The following SIGLEC10 variants were observed in gnomAD, a reference collection of about 807,000 sequenced individuals.
SIGLEC10 encodes sialic acid binding Ig like lectin 10, also known as sialic acid-binding Ig-like lectin 10.
Under a neutral mutation model 68.3 loss-of-function variants are expected in SIGLEC10, and 45 were observed. The ratio of observed to expected loss-of-function variants is 0.66; its 90% CI spans 0.52 to 0.84. The LOEUF is 0.84. Ranked by LOEUF, SIGLEC10 falls within the 40% of genes least tolerant of loss-of-function variation. The pLI is 0.00. For synonymous variants in SIGLEC10, 379 were observed against 370.8 expected (o/e 1.02, Z -0.26); for missense variants, 789 against 883.1 (o/e 0.89, Z 1.35).
chr19:51,413,083 C>T (rs905263380), intron 10 of SIGLEC10, among the ~76,000 whole-genome samples: 1 of 152,060 alleles, frequency 6.6e-6, no homozygotes, highest in Non-Finnish European at 1.5e-5. Context: ...GAAGGAGCCA[C>T]GAGATACAAT....
chr19:51,413,990 A>C (rs1988262847), intron 9 of SIGLEC10, among the ~76,000 whole-genome samples, 167 bp from the exon 10 acceptor site: 1 of 152,184 alleles, frequency 6.6e-6, no homozygotes, highest in Non-Finnish European at 1.5e-5. Flanking sequence ...AACTTAAGAC[A>C]AAAGAAATTA....
At chr19:51,416,986 G>A in intron 2 of SIGLEC10, 36 bp from the exon 3 acceptor site, 1 of 1,594,554 alleles carries the variant, frequency 6.3e-7, no homozygotes, top group East Asian at 2.2e-5. Context: ...TTCTTGTGCT[G>A]CAGGGGTCCC....
rs1988379872 is a variant in SIGLEC10, at chr19:51,414,595, T to A, written c.1616-80A>T. On this transcript the variant is annotated intron_variant, in intron 8 of 10. Coordinates refer to ENST00000339313, the MANE Select transcript of SIGLEC10 (RefSeq NM_033130.5). This position sits in a 1 kb window ranked among gnomAD's most constrained non-coding sequence, Gnocchi z 4.1. ...CCCGCTCATCACTCGGCATTAAGGC[T>A]TCCGGTTCCCATGGCGGACATTGTA... The A allele has an allele frequency of 6.8e-7, 1 of 1,464,348 alleles. No homozygotes were observed. The highest frequency in any genetic ancestry group is 9.5e-7 in the Non-Finnish European group (1 of 1,054,202). The allele number at this position is 1,464,348 out of a possible 1,614,324, so 90.7% of individuals were successfully genotyped here.
chr19:51,413,857 T>C (rs1399618825), intron 9 of SIGLEC10, 34 bp from the exon 10 acceptor site: 8 of 1,557,384 alleles, frequency 5.1e-6, no homozygotes, highest in Admixed American at 1.7e-5. Flanking sequence ...TGTGCCCTGC[T>C]GCACCTCCCT....
chr19:51,413,956 AAGG>A, intron 9 of SIGLEC10, 133 bp from the exon 10 acceptor site: 2 of 671,470 alleles, frequency 3.0e-6, no homozygotes, highest in East Asian at 2.7e-5. Context: ...AGACTGAAAG[AAGG>A]AGGACAAACG....
chr19:51,412,565 C>A (rs893261481), intron 10 of SIGLEC10, among the ~76,000 whole-genome samples: 1 of 151,520 alleles, frequency 6.6e-6, no homozygotes, highest in African/African-American at 2.4e-5. Flanking sequence ...ACCTCCACCT[C>A]CTGGGTTCAA....
In SIGLEC10 at chr19:51,414,583, C is replaced by T. The variant is rs528045192; in HGVS notation, c.1616-68G>A. The T allele has an allele frequency of 5.3e-6, 8 of 1,509,556 alleles. No individual in the cohort carries two copies. Among genetic ancestry groups the T allele is most frequent in the South Asian group, 3.4e-5 (3 of 87,470 alleles). 93.5% of individuals were successfully genotyped at this position (1,509,556 alleles called of 1,614,324 possible). A position where few individuals can be genotyped will look rare whatever the true frequency, so the allele number is the denominator to read the frequency against. ...GGGCTCACGAAGCCCGCTCATCACT[C>T]GGCATTAAGGCTTCCGGTTCCCATG... On this transcript the variant is annotated intron_variant, in intron 8 of 10. Transcript: ENST00000339313. The surrounding 1 kb of genome is among the most constrained non-coding windows in gnomAD (Gnocchi z 4.1).
rs61741671 is a variant in SIGLEC10 at position 51,416,067 on chromosome 19, T to C, written c.855A>G (p.Thr285=). The change falls in exon 5 of 11, where the codon ACA becomes ACG. Residue 285 remains threonine, a synonymous_variant. Transcript: ENST00000339313. ...CTCTGTTCTGCAGGACCCAGCTCAG[T>C]GTGGCAGGGGGCTGGCTGTCAGCAG... ...LCAADSQPPA[T]LSWVLQNRVL... 88,524 of 1,605,382 alleles carry C rather than the reference T, an allele frequency of 0.055. 3,315 individuals carry two copies. The highest frequency in any genetic ancestry group is 0.16 in the African/African-American group (11,933 of 72,388).
chr19:51,416,107 A>G lies in SIGLEC10; in HGVS notation c.815T>C (p.Leu272Pro). ...PYLEAQKGQFLRLLCAADSQP... is the reference protein window; with the variant it reads ...PYLEAQKGQFPRLLCAADSQP... ...GCTGTCAGCAGCACAGAGGAGCCGCAGGAACTGGCCTTTTTGGGCTTCCAG... is the reference window on the plus strand; with the variant it reads ...GCTGTCAGCAGCACAGAGGAGCCGCGGGAACTGGCCTTTTTGGGCTTCCAG... The change falls in exon 5 of 11, where the codon CTG (leucine) becomes CCG (proline). Residue 272 changes from leucine (L) to proline (P), a missense_variant. Coordinates refer to ENST00000339313, the MANE Select transcript of SIGLEC10 (RefSeq NM_033130.5). The G allele has an allele frequency of 1.2e-6, 2 of 1,608,722 alleles. No homozygotes were observed. The highest frequency in any genetic ancestry group is 1.7e-6 in the Non-Finnish European group (2 of 1,177,740).
In SIGLEC10 at chr19:51,416,142, A is replaced by C; in HGVS notation, c.780T>G (p.Asn260Lys). Residue 260 changes from asparagine to lysine, a missense_variant, in exon 5 of 11, where the codon AAT becomes AAG. Transcript: ENST00000339313. ...TPALEPQPQGNVPYLEAQKGQ... is the reference protein window; with the variant it reads ...TPALEPQPQGKVPYLEAQKGQ... ...CTTTTTGGGCTTCCAGGTATGGGACATTTCCCTGGGGCTGGGGCTCCAGGG... is the reference window on the plus strand; with the variant it reads ...CTTTTTGGGCTTCCAGGTATGGGACCTTTCCCTGGGGCTGGGGCTCCAGGG... The C allele has an allele frequency of 6.2e-7, 1 of 1,608,362 alleles. No homozygotes were observed. The highest frequency in any genetic ancestry group is 8.5e-7 in the Non-Finnish European group (1 of 1,177,598).
At position 51,415,262 on chromosome 19, in the gene SIGLEC10, C is replaced by T. The variant is rs555134247; in HGVS notation, c.1249G>A (p.Val417Met). 2.1e-4 allele frequency: 339 copies of T among 1,614,150 alleles called. 2 individuals are homozygous for T. The South Asian group carries it at 3.5e-3, about 17-fold the overall frequency. The change falls in exon 7 of 11, where the codon GTG becomes ATG. Residue 417 changes from valine (V) to methionine (M), a missense_variant. Val to Met is a conservative substitution (Grantham distance 21, BLOSUM62 1). Coordinates refer to ENST00000339313, the MANE Select transcript of SIGLEC10 (RefSeq NM_033130.5). ...CAGGTGAACTCTCCTTCGTGCTCCA[C>T]TTGAACCCGAGGCAGCTCCAGGACC... ...PGVLELPRVQ[V>M]EHEGEFTCHA...
Position 51,416,859 on chromosome 19 carries a change from C to T in SIGLEC10, c.513G>A (p.Glu171=). ...TVICVFNWAF[E]ECPPPSFSWT... Reference sequence around the variant, plus strand: ...AGGAGAAAGAAGGGGGTGGACATTCCTCAAAGGCCCAGTTAAACACACAGA... The same window carrying T: ...AGGAGAAAGAAGGGGGTGGACATTCTTCAAAGGCCCAGTTAAACACACAGA... Residue 171 remains glutamate, a synonymous_variant, in exon 3 of 11, where the codon GAG becomes GAA. Coordinates refer to ENST00000339313, the MANE Select transcript of SIGLEC10 (RefSeq NM_033130.5). The T allele has an allele frequency of 6.2e-7, 1 of 1,614,152 alleles. No individual in the cohort carries two copies. Among genetic ancestry groups the T allele is most frequent in the Non-Finnish European group, 8.5e-7 (1 of 1,180,030 alleles).
chr19:51,411,247 G>C lies in SIGLEC10; in HGVS notation c.1946C>G (p.Pro649Arg), dbSNP rs1987975982. 2 of 1,614,128 alleles carry C rather than the reference G, an allele frequency of 1.2e-6. No individual in the cohort carries two copies. Among genetic ancestry groups the C allele is most frequent in the Non-Finnish European group, 1.7e-6 (2 of 1,180,036 alleles). The change falls in exon 11 of 11, where the codon CCC becomes CGC. Residue 649 changes from proline to arginine, a missense_variant. Transcript: ENST00000339313. ...KQYQLPSFPE[P>R]KSSTQAPESQ... is the part of the protein sequence containing the mutation. ...TTCTGGGGCTTGAGTGGATGATTTGGGTTCTGGGAAACTGGGCAACTGATA... is the reference window on the plus strand; with the variant it reads ...TTCTGGGGCTTGAGTGGATGATTTGCGTTCTGGGAAACTGGGCAACTGATA...
In SIGLEC10 at chr19:51,417,446, C is replaced by G. The variant is rs770856967; in HGVS notation, c.57G>C (p.Gly19=). The part of the protein sequence containing the change: ...SLLGGSQAMD[G]RFWIRVQESV... ...ACTCCTGCACTCGTATCCAGAATCTCCCATCCATAGCCTGGGACCCTGTGG... is the reference window on the plus strand; with the variant it reads ...ACTCCTGCACTCGTATCCAGAATCTGCCATCCATAGCCTGGGACCCTGTGG... The change falls in exon 2 of 11, where the codon GGG becomes GGC. Residue 19 remains glycine, a synonymous_variant. Coordinates refer to ENST00000339313, the MANE Select transcript of SIGLEC10 (RefSeq NM_033130.5). The G allele has an allele frequency of 1.2e-6, 2 of 1,613,810 alleles. No homozygotes were observed. The highest frequency in any genetic ancestry group is 1.7e-5 in the Admixed American group (1 of 60,014).
Position 51,417,095 on chromosome 19 carries a change from A to G in SIGLEC10, c.408T>C (p.Phe136=). 6.8e-6 allele frequency: 11 copies of G among 1,614,068 alleles called. No individual in the cohort carries two copies. Among genetic ancestry groups the G allele is most frequent in the Non-Finnish European group, 9.3e-6 (11 of 1,179,920 alleles). ...CCCATTCCATACCTGTTACTTTTAG[A>G]AAGAACCCATCGTTCATGAAATTAT... ...VRYNFMNDGF[F]LKVTALTQKP... is the part of the protein sequence containing the mutation. Residue 136 remains phenylalanine (F), a synonymous_variant, in exon 2 of 11, where the codon TTT becomes TTC. Coordinates refer to ENST00000339313, the MANE Select transcript of SIGLEC10 (RefSeq NM_033130.5).
chr19:51,411,185 G>A lies in SIGLEC10; in HGVS notation c.2008C>T (p.Leu670Phe). 6.2e-7 allele frequency: 1 copy of A among 1,614,244 alleles called. No individual in the cohort carries two copies. Among genetic ancestry groups the A allele is most frequent in the Non-Finnish European group, 8.5e-7 (1 of 1,180,050 alleles). The change falls in exon 11 of 11, where the codon CTC becomes TTC. Residue 670 changes from leucine (L) to phenylalanine (F), a missense_variant. By Grantham distance (22) the Leu-to-Phe change is conservative. Transcript: ENST00000339313. ...ESQEELHYAT[L>F]NFPGVRPRPE... ...CTGGGTCTGACGCCTGGGAAGTTGA[G>A]CGTGGCATAATGGAGCTCCTCTTGG...
At chr19:51,413,571 T>TA in intron 10 of SIGLEC10, 141 bp downstream of exon 10, 1 of 693,814 alleles carries the variant, frequency 1.4e-6, no homozygotes, top group East Asian at 2.7e-5. Flanking sequence ...TCATAGCTAG[T>TA]AAGTGCCAGG....
Position 51,416,785 on chromosome 19 carries a change from T to C in SIGLEC10, c.587A>G (p.His196Arg). 1.2e-6 allele frequency: 2 copies of C among 1,614,140 alleles called. No individual in the cohort carries two copies. The highest frequency in any genetic ancestry group is 1.1e-5 in the South Asian group (1 of 91,072). Residue 196 changes from histidine (H) to arginine (R), a missense_variant, in exon 3 of 11, where the codon CAC becomes CGC. By Grantham distance (29) the His-to-Arg change is conservative. Coordinates refer to ENST00000339313, the MANE Select transcript of SIGLEC10 (RefSeq NM_033130.5). ...GGGCGTGAAGCTGAGCACTGAGAAG[T>C]GGGAGGTCGTTGGTTTGGTTCCTTG... ...SSQGTKPTTS[H>R]FSVLSFTPRP... is the part of the protein sequence containing the mutation.
In SIGLEC10 at chr19:51,417,442, A is replaced by C. The variant is rs1231876959; in HGVS notation, c.61T>G (p.Phe21Val). 6.2e-7 allele frequency: 1 copy of C among 1,613,682 alleles called. No individual in the cohort carries two copies. Among genetic ancestry groups the C allele is most frequent in the African/African-American group, 1.3e-5 (1 of 74,938 alleles). ...ACTGACTCCTGCACTCGTATCCAGA[A>C]TCTCCCATCCATAGCCTGGGACCCT... ...LGGSQAMDGR[F>V]WIRVQESVMV... The change falls in exon 2 of 11, where the codon TTC becomes GTC. Residue 21 changes from phenylalanine to valine, a missense_variant. Physicochemically the swap from Phe to Val is conservative, Grantham distance 50. Transcript: ENST00000339313.
Sources: gnomAD v4.1 joint callset for allele counts (sites outside exome capture counted in the v4.1 genomes callset) on GRCh38, gnomAD v4.1.1 for gene constraint, Gnocchi (gnomAD v3.1) non-coding constraint, MANE v1.5 for transcripts, NCBI Gene and HGNC (gene_info 2026-07-23, HGNC 2026-07-21) for gene names.